Variants in PRKG1 observed in about 807,000 individuals in gnomAD.
PRKG1 encodes the protein cGMP-dependent protein kinase 1.
PRKG1 carries 35 observed loss-of-function variants against 88.1 expected under a neutral mutation model. The ratio of observed to expected loss-of-function variants is 0.40; its 90% CI spans 0.30 to 0.53. The LOEUF is 0.53. Among genes scored for constraint, PRKG1 ranks in the 20% least tolerant of loss-of-function variants. The pLI, the probability that PRKG1 is intolerant of heterozygous loss-of-function variation, is 0.59. For missense variants in PRKG1, 540 were observed against 839.8 expected (o/e 0.64, Z 4.41); for synonymous variants, 303 against 292.5 (o/e 1.04, Z -0.37).
chr10:51,214,725 G>A (rs1459390639), intron 2 of PRKG1, among the ~76,000 whole-genome samples: 1 of 151,740 alleles, frequency 6.6e-6, no homozygotes, highest in Non-Finnish European at 1.5e-5. Flanking sequence ...CAGTCCTCCC[G>A]CTTGGCCTGC....
At chr10:51,795,388 G>A (rs1006613826) in intron 3 of PRKG1, among the ~76,000 whole-genome samples, 1 of 152,086 alleles carries the variant, frequency 6.6e-6, no homozygotes, top group Non-Finnish European at 1.5e-5. Flanking sequence ...TCATTGAAAG[G>A]ATAACTTTTC....
intron 2 of PRKG1, among the ~76,000 whole-genome samples, chr10:51,209,519 C>G (rs1838157101): frequency 1.3e-5 from 2 of 152,088 alleles, no homozygotes; most frequent in African/African-American, 4.8e-5. Flanking sequence ...GTTGATTGTC[C>G]TATTTTCTTT....
chr10:51,606,355 G>A (rs1398673225), intron 3 of PRKG1, among the ~76,000 whole-genome samples: 1 of 152,170 alleles, frequency 6.6e-6, no homozygotes, highest in African/African-American at 2.4e-5. Context: ...GCCTGAAGAA[G>A]TTGCTGTTCT....
Position 51,550,021 on chromosome 10 carries a change from T to C in PRKG1, c.592+82185T>C, listed in dbSNP as rs554358656. ...GCTTATTTGAAATCAAGACAGTGTT[T>C]ACTGATCATAATAGAATTGTGTCAC... On this transcript the variant is annotated intron_variant, in intron 3 of 17. Coordinates refer to ENST00000373980, the MANE Select transcript of PRKG1 (RefSeq NM_006258.4). Among the ~76,000 whole-genome samples the C allele has an allele frequency of 9.2e-5, 14 of 152,254 alleles. No homozygotes were observed. The South Asian group carries it at 1.2e-3, about 14-fold the overall frequency.
chr10:52,157,304 T>G (rs1156625023), intron 8 of PRKG1, among the ~76,000 whole-genome samples: 1,204 of 80,158 alleles, frequency 0.015, 27 homozygotes, highest in African/African-American at 0.055. Context: ...TGTGAGTTAG[T>G]TGATATATAT....
At chr10:52,119,323 A>C (rs1295117830) in intron 7 of PRKG1, among the ~76,000 whole-genome samples, 1 of 152,194 alleles carries the variant, frequency 6.6e-6, no homozygotes, top group Admixed American at 6.5e-5. Context: ...ACATGTGAAA[A>C]ATGAAATGGA....
intron 3 of PRKG1, among the ~76,000 whole-genome samples, chr10:51,770,344 A>C (rs1395633490): frequency 2.0e-5 from 3 of 152,232 alleles, no homozygotes; most frequent in Non-Finnish European, 4.4e-5. Context: ...ATGTTAATTA[A>C]AAGGACATGG....
intron 3 of PRKG1, among the ~76,000 whole-genome samples, chr10:51,634,642 A>T (rs1211513260): frequency 6.6e-6 from 1 of 152,122 alleles, no homozygotes; most frequent in Non-Finnish European, 1.5e-5. Flanking sequence ...TTAAGAATCG[A>T]CTTTACACTA....
At chr10:52,219,416 C>G (rs1840190086) in intron 9 of PRKG1, among the ~76,000 whole-genome samples, 1 of 152,136 alleles carries the variant, frequency 6.6e-6, no homozygotes, top group Non-Finnish European at 1.5e-5. Context: ...TCAGGCAGAA[C>G]CAATGAGGTA....
intron 1 of PRKG1, among the ~76,000 whole-genome samples, chr10:51,004,655 G>A (rs991425917): frequency 6.6e-6 from 1 of 151,860 alleles, no homozygotes; most frequent in Non-Finnish European, 1.5e-5. Context: ...TCGGAATGAT[G>A]TTTACATGCC....
intron 2 of PRKG1, among the ~76,000 whole-genome samples, chr10:51,185,981 T>A (rs541488966): frequency 2.5e-4 from 38 of 151,396 alleles, no homozygotes; most frequent in East Asian, 1.4e-3. Context: ...AAGTGATTTT[T>A]AAAAAAAAAT....
intron 4 of PRKG1, among the ~76,000 whole-genome samples, chr10:51,872,441 G>A (rs1191405371): frequency 6.6e-6 from 1 of 152,078 alleles, no homozygotes; most frequent in African/African-American, 2.4e-5. Context: ...ATTAGTTTTT[G>A]GTGGAGTGAG....
intron 7 of PRKG1, among the ~76,000 whole-genome samples, chr10:52,120,525 T>C (rs1328051332): frequency 6.6e-6 from 1 of 151,968 alleles, no homozygotes; most frequent in African/African-American, 2.4e-5. Flanking sequence ...CAAAATACAA[T>C]GGTGGGGCAG....
chr10:51,068,529 T>C (rs1843782922), intron 1 of PRKG1: 1 of 152,078 alleles, frequency 6.6e-6, no homozygotes, highest in Admixed American at 6.6e-5. Flanking sequence ...CAGTTTTCTT[T>C]ACTTTAAATT....
intron 1 of PRKG1, among the ~76,000 whole-genome samples, chr10:51,099,906 A>AT (rs571052757): frequency 6.6e-6 from 1 of 151,960 alleles, no homozygotes; most frequent in South Asian, 2.1e-4. Context: ...TTTTATTTTT[A>AT]TTTTTTTGAG....
At chr10:52,224,032 G>A (rs1186989774) in intron 9 of PRKG1, among the ~76,000 whole-genome samples, 1 of 151,976 alleles carries the variant, frequency 6.6e-6, no homozygotes, top group Non-Finnish European at 1.5e-5. Context: ...AACCTTGCAG[G>A]TATTTTATAA....
At chr10:51,048,517 ATCT>A (rs1843519056) in intron 1 of PRKG1, among the ~76,000 whole-genome samples, 1 of 152,190 alleles carries the variant, frequency 6.6e-6, no homozygotes, top group African/African-American at 2.4e-5. Context: ...TCTGCAAAAA[ATCT>A]TCGTTTATAT....
chr10:51,480,579 A>G (rs1170088114), intron 3 of PRKG1, among the ~76,000 whole-genome samples: 3 of 152,078 alleles, frequency 2.0e-5, no homozygotes, highest in South Asian at 2.1e-4. Context: ...AAAAAGCTTA[A>G]AAGGTTGTGT....
intron 3 of PRKG1, among the ~76,000 whole-genome samples, chr10:51,667,467 A>G (rs954431158): frequency 6.6e-6 from 1 of 152,238 alleles, no homozygotes; most frequent in African/African-American, 2.4e-5. Flanking sequence ...ATAGTGTTAA[A>G]TAATGATGAC....
Sources: allele counts gnomAD v4.1 joint callset (sites outside exome capture counted in the v4.1 genomes callset), GRCh38; gene constraint gnomAD v4.1.1; transcripts MANE v1.5; gene names NCBI Gene and HGNC (gene_info 2026-07-23, HGNC 2026-07-21).